The following CTPS2 variants were observed in gnomAD, a reference collection of about 807,000 sequenced individuals.
CTPS2 encodes CTP synthase II.
A neutral mutation model predicts 46.8 loss-of-function variants in CTPS2; 19 were observed. The ratio of observed to expected loss-of-function variants is 0.41; its 90% confidence interval spans 0.28 to 0.60. CTPS2 has a LOEUF of 0.60. Among genes scored for constraint, CTPS2 ranks in the 20% least tolerant of loss-of-function variants. The pLI is 0.35. For missense variants in CTPS2, 286 were observed against 447.6 expected, an observed-to-expected ratio of 0.64 and a Z score of 3.26; for synonymous variants, 151 against 165.2, an observed-to-expected ratio of 0.91 and a Z score of 0.66.
At chrX:16,643,100 C>G (rs1189467971) in intron 13 of CTPS2, among the ~76,000 whole-genome samples, 3 of 111,924 alleles carry the variant, frequency 2.7e-5, no homozygotes, top group Non-Finnish European at 5.6e-5. Context: ...TTAACCTTTA[C>G]TGATGTTTTC....
At chrX:16,697,388 G>A (rs759254894) in intron 4 of CTPS2, among the ~76,000 whole-genome samples, 1 of 108,301 alleles carries the variant, frequency 9.2e-6, no homozygotes, top group Non-Finnish European at 1.9e-5. Flanking sequence ...GGAGAGGAAG[G>A]GAACAAGGTG....
chrX:16,694,079 G>A (rs1311072732), intron 4 of CTPS2, among the ~76,000 whole-genome samples: 2 of 110,375 alleles, frequency 1.8e-5, no homozygotes, highest in African/African-American at 3.3e-5. Context: ...CAGGAGAATC[G>A]CTTGAACCCA....
At chrX:16,592,441 G>A (rs1928958992) in intron 17 of CTPS2, among the ~76,000 whole-genome samples, 1 of 111,987 alleles carries the variant, frequency 8.9e-6, no homozygotes, top group Non-Finnish European at 1.9e-5. Flanking sequence ...ATTCTTTTCA[G>A]CTGCAGTTTG....
intron 16 of CTPS2, among the ~76,000 whole-genome samples, chrX:16,612,952 A>C (rs1188246810): frequency 1.8e-5 from 2 of 112,523 alleles, no homozygotes; most frequent in East Asian, 5.6e-4. Context: ...CAGTAAGTGC[A>C]CACTGAATGT....
chrX:16,606,084 G>A (rs934405621), intron 17 of CTPS2, among the ~76,000 whole-genome samples: 1 of 112,259 alleles, frequency 8.9e-6, no homozygotes, highest in Non-Finnish European at 1.9e-5. Flanking sequence ...AGAATGCGGA[G>A]GTTACACCTC....
intron 13 of CTPS2, among the ~76,000 whole-genome samples, chrX:16,658,732 G>A (rs774941879): frequency 8.9e-6 from 1 of 112,265 alleles, no homozygotes; most frequent in African/African-American, 3.2e-5. Flanking sequence ...TTTTGTTCAC[G>A]ATGGTGCACA....
At chrX:16,667,580 A>C in intron 12 of CTPS2, 23 bp from the exon 13 acceptor site, 1 of 1,208,031 alleles carries the variant, frequency 8.3e-7, no homozygotes, top group East Asian at 3.0e-5. Flanking sequence ...AAAAGAGTTC[A>C]GTAATTCACC....
intron 5 of CTPS2, 45 bp from the exon 6 acceptor site, chrX:16,693,269 T>G: frequency 9.2e-7 from 1 of 1,083,128 alleles, no homozygotes; most frequent in Non-Finnish European, 1.3e-6. Context: ...CACTAGCTCC[T>G]ATGGATGATT....
intron 8 of CTPS2, among the ~76,000 whole-genome samples, chrX:16,684,807 C>T (rs752817900): frequency 1.8e-5 from 2 of 111,398 alleles, no homozygotes; most frequent in East Asian, 2.8e-4. Flanking sequence ...ATGCAGGTAA[C>T]GGGCCGGGCG....
intron 13 of CTPS2, among the ~76,000 whole-genome samples, chrX:16,655,260 G>A (rs1417106638): frequency 8.9e-6 from 1 of 112,149 alleles, no homozygotes; most frequent in East Asian, 2.8e-4. Flanking sequence ...ACTCATCACT[G>A]ACCGGGTGGC....
intron 17 of CTPS2, among the ~76,000 whole-genome samples, chrX:16,607,261 A>C (rs1930027863): frequency 8.8e-6 from 1 of 113,105 alleles, no homozygotes; most frequent in South Asian, 3.6e-4. Flanking sequence ...AATAACGGGA[A>C]TTGTAAAACG....
chrX:16,686,603 T>C (rs912868807), intron 8 of CTPS2, among the ~76,000 whole-genome samples: 6 of 112,363 alleles, frequency 5.3e-5, no homozygotes, highest in Non-Finnish European at 7.5e-5. Flanking sequence ...GATGTGAAGA[T>C]GGAGGCCTGG....
In CTPS2 at chrX:16,702,950, C is replaced by A; in HGVS notation, c.-39-9G>T. The A allele has an allele frequency of 1.6e-5, 17 of 1,043,518 alleles. No individual in the cohort carries two copies. The highest frequency in any genetic ancestry group is 2.8e-4 in the Middle Eastern group (1 of 3,510). 86.0% of individuals were successfully genotyped at this position (1,043,518 alleles called of 1,213,427 possible). ...CAACACCCAGATATAATCTGAAAGG[C>A]AATAAAATTATGGATAAGGAAAGAG... On this transcript the variant is annotated splice_polypyrimidine_tract_variant and intron_variant, in intron 1 of 18. Transcript: ENST00000359276.
chrX:16,646,973 G>C (rs1407299192), intron 13 of CTPS2, among the ~76,000 whole-genome samples: 2 of 111,570 alleles, frequency 1.8e-5, no homozygotes, highest in Admixed American at 1.9e-4. Flanking sequence ...GTTTCAAAAC[G>C]CACTCTTGTG....
chrX:16,701,355 G>A (rs960054504), intron 2 of CTPS2, among the ~76,000 whole-genome samples: 2 of 110,176 alleles, frequency 1.8e-5, no homozygotes, highest in African/African-American at 3.3e-5. Context: ...CCAGGAGGTC[G>A]AGACCAGCCT....
chrX:16,706,110 A>AAAAG (rs1172961923), intron 1 of CTPS2, among the ~76,000 whole-genome samples: 3 of 107,989 alleles, frequency 2.8e-5, no homozygotes, highest in Non-Finnish European at 5.8e-5. Context: ...CAAAAAAAAA[A>AAAAG]AAAGAAAGAA....
intron 17 of CTPS2, 192 bp from the exon 18 acceptor site, chrX:16,591,054 G>A (rs1478403581): frequency 1.6e-5 from 5 of 317,961 alleles, no homozygotes; most frequent in Non-Finnish European, 2.7e-5. Flanking sequence ...TCTTTCTTTG[G>A]TCAGAGAAAC....
intron 14 of CTPS2, chrX:16,638,478 GCA>G (rs1931877031): frequency 7.7e-6 from 1 of 130,044 alleles, no homozygotes; most frequent in African/African-American, 3.3e-5. Context: ...TCTGCACATG[GCA>G]CAGAGTGGGC....
At chrX:16,704,282 A>G (rs1390959291) in intron 1 of CTPS2, among the ~76,000 whole-genome samples, 2 of 111,651 alleles carry the variant, frequency 1.8e-5, no homozygotes, top group African/African-American at 3.3e-5. Context: ...CTTCATCTGT[A>G]AAGTGGAAAA....
Sources: allele counts gnomAD v4.1 joint callset (sites outside exome capture counted in the v4.1 genomes callset), GRCh38; gene constraint gnomAD v4.1.1; transcripts MANE v1.5; gene names NCBI Gene and HGNC (gene_info 2026-07-23, HGNC 2026-07-21).